Variants in SNX30 observed in about 807,000 individuals in gnomAD.
SNX30 encodes sorting nexin-30.
In SNX30, 24 loss-of-function variants were observed where a neutral mutation model predicts 46.4. The ratio of observed to expected loss-of-function variants is 0.52; its 90% CI spans 0.37 to 0.73. The LOEUF is 0.73. SNX30 is among the 30% of genes least tolerant of loss of function. SNX30 has a pLI of 0.00. For missense variants in SNX30, 533 were observed against 555.7 expected (o/e 0.96, Z 0.41); for synonymous variants, 189 against 211.5 (o/e 0.89, Z 0.92).
At chr9:112,857,653 C>T (rs1395218194) in intron 7 of SNX30, among the ~76,000 whole-genome samples, 1 of 152,130 alleles carries the variant, frequency 6.6e-6, no homozygotes, top group East Asian at 1.9e-4. Context: ...ATCATGAGAG[C>T]AGATAATGTG....
intron 3 of SNX30, among the ~76,000 whole-genome samples, chr9:112,818,268 C>G (rs1183111334): frequency 6.7e-6 from 1 of 149,758 alleles, no homozygotes; most frequent in Non-Finnish European, 1.5e-5. Flanking sequence ...ATGGCATGAT[C>G]GCAGCTCACT....
intron 6 of SNX30, among the ~76,000 whole-genome samples, chr9:112,841,125 T>C (rs1187160347): frequency 6.6e-6 from 1 of 152,248 alleles, no homozygotes; most frequent in Non-Finnish European, 1.5e-5. Flanking sequence ...TTGTCTCTTA[T>C]GTATACACAC....
chr9:112,879,865 G>T, downstream of SNX30: 1 of 1,565,490 alleles, frequency 6.4e-7, no homozygotes, highest in South Asian at 1.1e-5. Context: ...AGCTGGAATG[G>T]GGTAAAGGTG....
chr9:112,787,051 GCAGCCAGGTAGC>G (rs1220842183), intron 1 of SNX30, among the ~76,000 whole-genome samples: 1 of 152,170 alleles, frequency 6.6e-6, no homozygotes, highest in Non-Finnish European at 1.5e-5. Context: ...TCGATCTGGG[GCAGCCAGGTAGC>G]CAGTCAGGTG....
At chr9:112,810,353 A>G (rs1199172200) in intron 2 of SNX30, among the ~76,000 whole-genome samples, 1 of 152,140 alleles carries the variant, frequency 6.6e-6, no homozygotes, top group Non-Finnish European at 1.5e-5. Context: ...GTGCTCACAC[A>G]CCCAGGTCTG....
chr9:112,876,057 G>T (rs372330549), downstream of SNX30: 10 of 152,364 alleles, frequency 6.6e-5, no homozygotes, highest in African/African-American at 2.2e-4. Flanking sequence ...AAAGTGCTGG[G>T]ATTACAGGCA....
At chr9:112,774,990 G>C (rs1204514224) in intron 1 of SNX30, among the ~76,000 whole-genome samples, 3 of 150,896 alleles carry the variant, frequency 2.0e-5, no homozygotes, top group Admixed American at 2.0e-4. Context: ...AATTACAGAC[G>C]TGTGCCACCA....
chr9:112,754,686 G>C (rs1034618547), intron 1 of SNX30, among the ~76,000 whole-genome samples: 2 of 152,150 alleles, frequency 1.3e-5, no homozygotes, highest in Admixed American at 6.5e-5. Context: ...GATTACAGGC[G>C]TGAGCCTCAC....
At chr9:112,775,869 T>C (rs1452055244) in intron 1 of SNX30, among the ~76,000 whole-genome samples, 2 of 151,714 alleles carry the variant, frequency 1.3e-5, no homozygotes. Flanking sequence ...TGGCGATTGT[T>C]CCATATTAGC....
At chr9:112,778,479 C>T (rs1226013408) in intron 1 of SNX30, among the ~76,000 whole-genome samples, 1 of 152,128 alleles carries the variant, frequency 6.6e-6, no homozygotes. Context: ...GCCATGTTGG[C>T]CAGGCTGGTC....
At chr9:112,819,410 G>T (rs192219494) in intron 3 of SNX30, among the ~76,000 whole-genome samples, 1 of 152,008 alleles carries the variant, frequency 6.6e-6, no homozygotes, top group East Asian at 1.9e-4. Flanking sequence ...GGGATTACAG[G>T]TGCACACCAC....
In SNX30 at chr9:112,750,917, G is replaced by T; in HGVS notation, c.-85G>T. On this transcript the variant is annotated 5_prime_UTR_variant, in exon 1 of 9. Coordinates refer to ENST00000374232, the MANE Select transcript of SNX30 (RefSeq NM_001012994.2). Reference sequence around the variant, plus strand: ...GCCTCGGGTTAAGCGGCGGCCGAGCGGGGCTCGGCCCGGGGTGCTCGGGGA... The same window carrying T: ...GCCTCGGGTTAAGCGGCGGCCGAGCTGGGCTCGGCCCGGGGTGCTCGGGGA... The T allele has an allele frequency of 8.9e-7, 1 of 1,124,856 alleles. No homozygotes were observed. Among genetic ancestry groups the T allele is most frequent in the Non-Finnish European group, 1.1e-6 (1 of 916,124 alleles). The allele number at this position is 1,124,856 out of a possible 1,614,324, so 69.7% of individuals were successfully genotyped here.
At position 112,752,000 on chromosome 9, in the gene SNX30, G is replaced by A. The variant is rs1233546345; in HGVS notation, c.156+843G>A. On this transcript the variant is annotated intron_variant, in intron 1 of 8. Transcript: ENST00000374232. Reference sequence around the variant, plus strand: ...CAGTGATTGTATCCCCGCTCCTGCCGTCACTTAGTCACTAACTGCAGAAAT... The same window carrying A: ...CAGTGATTGTATCCCCGCTCCTGCCATCACTTAGTCACTAACTGCAGAAAT... Among the ~76,000 whole-genome samples, 4 of 152,224 alleles carry A rather than the reference G, an allele frequency of 2.6e-5. No homozygotes were observed. The East Asian group carries it at 7.7e-4, about 29-fold the overall frequency.
intron 1 of SNX30, among the ~76,000 whole-genome samples, chr9:112,756,027 T>C (rs1684309334): frequency 1.3e-5 from 2 of 152,174 alleles, no homozygotes. Context: ...TTTTTAAAAT[T>C]GGGGAATATA....
At chr9:112,752,567 T>A (rs566402812) in intron 1 of SNX30, among the ~76,000 whole-genome samples, 1 of 152,324 alleles carries the variant, frequency 6.6e-6, no homozygotes, top group African/African-American at 2.4e-5. Flanking sequence ...ATTGCACCGC[T>A]GTACTCCAGC....
intron 4 of SNX30, among the ~76,000 whole-genome samples, chr9:112,832,457 AGAGTGTGTGT>A (rs1323164000): frequency 4.5e-4 from 51 of 112,390 alleles, no homozygotes; most frequent in East Asian, 4.5e-3. Flanking sequence ...AGAGAGAGAG[AGAGTGTGTGT>A]GTGTGTGTGT....
At chr9:112,841,727 G>GATCT in intron 6 of SNX30, among the ~76,000 whole-genome samples, 1 of 152,218 alleles carries the variant, frequency 6.6e-6, no homozygotes, top group East Asian at 1.9e-4. Flanking sequence ...TGGGACTAAA[G>GATCT]ACACCAGGAG....
At chr9:112,759,329 CAGT>C (rs1167842429) in intron 1 of SNX30, among the ~76,000 whole-genome samples, 4 of 152,118 alleles carry the variant, frequency 2.6e-5, no homozygotes, top group Non-Finnish European at 4.4e-5. Context: ...TTGCTAAATC[CAGT>C]AGATGCTTTA....
Position 112,754,406 on chromosome 9 carries a change from C to CTTTT in SNX30, c.156+3268_156+3271dup, listed in dbSNP as rs755479504. On this transcript the variant is annotated intron_variant, in intron 1 of 8. Transcript: ENST00000374232. Reference sequence around the variant, plus strand: ...TTGATGCCTGCTAAACTCACTGGGCCTTTTTTTTTTTTTTTTTTTTTTGAG... The same window carrying CTTTT: ...TTGATGCCTGCTAAACTCACTGGGCCTTTTTTTTTTTTTTTTTTTTTTTTTTGAG... Among the ~76,000 whole-genome samples the CTTTT allele has an allele frequency of 1.7e-4, 19 of 113,036 alleles. 1 individual carries two copies. Among genetic ancestry groups the CTTTT allele is most frequent in the Non-Finnish European group, 2.4e-4 (14 of 57,412 alleles). 74.2% of individuals were successfully genotyped at this position (113,036 alleles called of 152,430 possible). A position where few individuals can be genotyped will look rare whatever the true frequency, so the allele number is the denominator to read the frequency against.
Sources: gnomAD v4.1 joint callset for allele counts (sites outside exome capture counted in the v4.1 genomes callset) on GRCh38, gnomAD v4.1.1 for gene constraint, MANE v1.5 for transcripts, NCBI Gene and HGNC (gene_info 2026-07-23, HGNC 2026-07-21) for gene names.